Variants in CACTIN observed in about 807,000 individuals in gnomAD.
CACTIN encodes the protein cactin, spliceosome C complex subunit, also known as splicing factor Cactin.
In CACTIN, 20 loss-of-function variants were observed where a neutral mutation model predicts 84.9. That is an observed-to-expected ratio of 0.24 (90% CI 0.17 to 0.34). The LOEUF is 0.34. Ranked by LOEUF, CACTIN falls within the 10% of genes least tolerant of loss-of-function variation. The pLI is 1.00. For missense variants in CACTIN, 897 were observed against 1,117.2 expected, an observed-to-expected ratio of 0.80 and a Z score of 2.81; for synonymous variants, 549 against 467.9, an observed-to-expected ratio of 1.17 and a Z score of -2.24.
chr19:3,614,224 C>G (rs368743438), intron 7 of CACTIN, among the ~76,000 whole-genome samples, 173 bp downstream of exon 7: 1 of 141,810 alleles, frequency 7.1e-6, no homozygotes, highest in Non-Finnish European at 1.5e-5. Context: ...ACGCGCCCCC[C>G]GGCCCCCCTT....
chr19:3,613,443 C>CG (rs1568291424), intron 8 of CACTIN, 21 bp downstream of exon 8: 1 of 1,561,378 alleles, frequency 6.4e-7, no homozygotes, highest in East Asian at 2.4e-5. Context: ...TCGGCGTCCC[C>CG]GGGGTGCCGG....
intron 2 of CACTIN, among the ~76,000 whole-genome samples, chr19:3,622,236 C>T (rs1484080237): frequency 2.0e-5 from 3 of 151,880 alleles, no homozygotes; most frequent in African/African-American, 4.8e-5. Context: ...TGGTGGCACC[C>T]GCCTGTAATT....
chr19:3,613,845 T>C, intron 7 of CACTIN: 3 of 537,530 alleles, frequency 5.6e-6, no homozygotes, highest in Non-Finnish European at 6.6e-6. Flanking sequence ...GCAGTCTCAG[T>C]GTCTTGTGGC....
Position 3,619,038 on chromosome 19 carries a change from G to T in CACTIN, c.1047+42C>A, listed in dbSNP as rs756038274. On this transcript the variant is annotated intron_variant, in intron 5 of 9. Coordinates refer to ENST00000429344, the MANE Select transcript of CACTIN (RefSeq NM_001080543.2). ...GGACACGGGTGTGGCTGGGGTGGGG[G>T]TGAGGGTGCAGGTCAGAGGAGCATC... 4.5e-6 allele frequency: 7 copies of T among 1,549,528 alleles called. No homozygotes were observed. In the East Asian group the frequency reaches 1.5e-4, roughly 32 times the overall value.
chr19:3,614,597 G>T lies in CACTIN; in HGVS notation c.1163-8C>A. 1 of 1,592,580 alleles carries T rather than the reference G, an allele frequency of 6.3e-7. No individual in the cohort carries two copies. The highest frequency in any genetic ancestry group is 1.1e-5 in the South Asian group (1 of 88,016). ...CCCCCTCGCGGCGCTCACCTGCAGC[G>T]GGGTGGGGGCATGGGGGGGCGGTTC... On this transcript the variant is annotated splice_polypyrimidine_tract_variant and splice_region_variant and intron_variant, in intron 6 of 9. Transcript: ENST00000429344.
intron 6 of CACTIN, 198 bp from the exon 7 acceptor site, chr19:3,614,787 G>A: frequency 1.7e-6 from 1 of 604,904 alleles, no homozygotes; most frequent in Non-Finnish European, 2.9e-6. Context: ...GGTGGGCGGA[G>A]GTTGGGAGCC....
In CACTIN at chr19:3,610,828, T is replaced by C. The variant is rs939171147; in HGVS notation, c.*1095A>G. The C allele has an allele frequency of 1.3e-5, 6 of 456,420 alleles. No individual in the cohort carries two copies. The highest frequency in any genetic ancestry group is 4.6e-5 in the South Asian group (3 of 64,544). 28.3% of individuals were successfully genotyped at this position (456,420 alleles called of 1,614,324 possible). Reference sequence around the variant, plus strand: ...GGTCTGGGGCTGGTGACTGGTGAGGTTGGGTGGCCCTCTGGGGGTCCGGGA... The same window carrying C: ...GGTCTGGGGCTGGTGACTGGTGAGGCTGGGTGGCCCTCTGGGGGTCCGGGA... On this transcript the variant is annotated 3_prime_UTR_variant, in exon 10 of 10. Transcript: ENST00000429344.
In CACTIN at chr19:3,626,764, G is replaced by T; in HGVS notation, c.-2C>A. ...GCGCGAGCGTGTGTCCCGACCCATCGGCTGGGCCAGTGGCCGCGGCACCAA... is the reference window on the plus strand; with the variant it reads ...GCGCGAGCGTGTGTCCCGACCCATCTGCTGGGCCAGTGGCCGCGGCACCAA... On this transcript the variant is annotated 5_prime_UTR_variant, in exon 1 of 10. Coordinates refer to ENST00000429344, the MANE Select transcript of CACTIN (RefSeq NM_001080543.2). The T allele has an allele frequency of 4.3e-6, 6 of 1,398,466 alleles. No homozygotes were observed. The highest frequency in any genetic ancestry group is 5.6e-6 in the Non-Finnish European group (6 of 1,075,346). The allele number at this position is 1,398,466 out of a possible 1,614,324, so 86.6% of individuals were successfully genotyped here.
chr19:3,614,397 C>T lies in CACTIN; in HGVS notation c.1355G>A (p.Arg452Gln), dbSNP rs755272837. The change falls in exon 7 of 10, where the codon CGG becomes CAG. Residue 452 changes from arginine (R) to glutamine (Q), a missense_variant and splice_region_variant. This residue lies in a region of CACTIN where 304 missense variants were observed against 444.3 expected (regional missense o/e 0.68). Transcript: ENST00000429344. ...QQLRAHMARA[R>Q]LRERHQDVLR... ...CCTGGTACCCGCACCTAGTGCTCAC[C>T]GGGCCCGTGCCATGTGGGCACGAAG... The T allele has an allele frequency of 3.2e-6, 5 of 1,568,214 alleles. No individual in the cohort carries two copies. Among genetic ancestry groups the T allele is most frequent in the South Asian group, 1.2e-5 (1 of 85,646 alleles).
chr19:3,617,262 G>A (rs1264358656), intron 6 of CACTIN, among the ~76,000 whole-genome samples: 1 of 152,260 alleles, frequency 6.6e-6, no homozygotes, highest in Non-Finnish European at 1.5e-5. Context: ...CTGGGCGACA[G>A]AGCGAGACCT....
At chr19:3,618,766 A>G in intron 6 of CACTIN, 109 bp downstream of exon 6, 1 of 890,662 alleles carries the variant, frequency 1.1e-6, no homozygotes, top group Non-Finnish European at 1.7e-6. Flanking sequence ...CCAGTTGGGG[A>G]AACCGAGGCC....
chr19:3,613,712 G>C, intron 7 of CACTIN, 126 bp from the exon 8 acceptor site: 1 of 1,371,448 alleles, frequency 7.3e-7, no homozygotes, highest in Non-Finnish European at 9.8e-7. Context: ...CACGGCTCTG[G>C]CTGGGACCTT....
At position 3,617,250 on chromosome 19, in the gene CACTIN, G is replaced by A. The variant is rs537342258; in HGVS notation, c.1162+1625C>T. Among the ~76,000 whole-genome samples the A allele has an allele frequency of 1.9e-3, 289 of 152,348 alleles. 4 individuals are homozygous for A. Among genetic ancestry groups the A allele is most frequent in the African/African-American group, 6.8e-3 (281 of 41,570 alleles). On this transcript the variant is annotated intron_variant, in intron 6 of 9. Transcript: ENST00000429344. ...GCCTTGATCGCGCCACTCAACTCTCGCCTGGGCGACAGAGCGAGACCTTGT... is the reference window on the plus strand; with the variant it reads ...GCCTTGATCGCGCCACTCAACTCTCACCTGGGCGACAGAGCGAGACCTTGT...
chr19:3,614,507 C>T lies in CACTIN; in HGVS notation c.1245G>A (p.Gln415=), dbSNP rs199635808. ...TGCCCTCGATGCCCTGGAAGATGACCTGCAGCTGGTTGTATGTCTTCCCCT... is the reference window on the plus strand; with the variant it reads ...TGCCCTCGATGCCCTGGAAGATGACTTGCAGCTGGTTGTATGTCTTCCCCT... The part of the protein sequence containing the change: ...VFKGKTYNQL[Q]VIFQGIEGKI... The change falls in exon 7 of 10, where the codon CAG becomes CAA. Residue 415 remains glutamine, a synonymous_variant. Transcript: ENST00000429344. The T allele has an allele frequency of 1.7e-5, 27 of 1,607,344 alleles. No homozygotes were observed. In the African/African-American group the frequency reaches 3.2e-4, roughly 19 times the overall value.
chr19:3,625,189 G>A (rs1263073411), intron 1 of CACTIN, among the ~76,000 whole-genome samples: 2 of 152,148 alleles, frequency 1.3e-5, no homozygotes, highest in Non-Finnish European at 2.9e-5. Flanking sequence ...ACTGCGCTCA[G>A]TCACGTTTAG....
In CACTIN at chr19:3,611,122, GC is replaced by G. The variant is rs1039870017; in HGVS notation, c.*800del. ...TTCTCCAACCCCCAGCCTTCGGGGA[GC>G]CCCTGCCCTCCAGGCCCTGTGCTCA... On this transcript the variant is annotated 3_prime_UTR_variant, in exon 10 of 10. Transcript: ENST00000429344. 2.1e-5 allele frequency: 8 copies of G among 381,888 alleles called. No individual in the cohort carries two copies. The highest frequency in any genetic ancestry group is 1.5e-4 in the African/African-American group (7 of 47,784). 23.7% of individuals were successfully genotyped at this position (381,888 alleles called of 1,614,324 possible).
At chr19:3,621,717 T>TG (rs1388018853) in intron 2 of CACTIN, among the ~76,000 whole-genome samples, 9 of 151,498 alleles carry the variant, frequency 5.9e-5, no homozygotes, top group South Asian at 2.1e-4. Context: ...TAAAGAACTC[T>TG]GGGGGGTCTG....
Position 3,611,843 on chromosome 19 carries a change from G to A in CACTIN, c.*80C>T, listed in dbSNP as rs757228901. 21 of 1,546,062 alleles carry A rather than the reference G, an allele frequency of 1.4e-5. No homozygotes were observed. The African/African-American group carries it at 1.5e-4, about 11-fold the overall frequency. On this transcript the variant is annotated 3_prime_UTR_variant, in exon 10 of 10. Transcript: ENST00000429344. ...CCCGCGGCCCTGCAGCCCAGACAGC[G>A]GCCCCGGAGTGACCACCAGCTTCAC...
chr19:3,623,499 A>G (rs996437233), intron 2 of CACTIN, among the ~76,000 whole-genome samples, 189 bp downstream of exon 2: 1 of 152,168 alleles, frequency 6.6e-6, no homozygotes, highest in Non-Finnish European at 1.5e-5. Context: ...ACTTCACTCC[A>G]GCCTGGGCGA....
Sources: gnomAD v4.1 joint callset for allele counts (sites outside exome capture counted in the v4.1 genomes callset) on GRCh38, gnomAD v4.1.1 for gene constraint, gnomAD v4.1.1 regional missense constraint, MANE v1.5 for transcripts, NCBI Gene and HGNC (gene_info 2026-07-23, HGNC 2026-07-21) for gene names.